CACNA2D3: variants seen among roughly 807,000 people sequenced by gnomAD.
CACNA2D3 encodes the protein voltage-dependent calcium channel subunit alpha-2/delta-3.
In CACNA2D3, 60 loss-of-function variants were observed where a neutral mutation model predicts 160.6. That is an observed-to-expected ratio of 0.37 (90% confidence interval 0.30 to 0.46). The LOEUF (loss-of-function observed/expected upper bound fraction) is 0.46. CACNA2D3 is among the 20% of genes least tolerant of loss of function. The pLI, the probability that CACNA2D3 is intolerant of heterozygous loss-of-function variation, is 1.00. For missense variants in CACNA2D3, 1,205 were observed against 1,365.0 expected (o/e 0.88, Z 1.85); for synonymous variants, 558 against 492.9 (o/e 1.13, Z -1.75).
intron 4 of CACNA2D3, among the ~76,000 whole-genome samples, chr3:54,465,271 G>C (rs953895646): frequency 6.6e-6 from 1 of 151,184 alleles, no homozygotes; most frequent in African/African-American, 2.4e-5. Flanking sequence ...TGAATTTCCT[G>C]TTTGATTACT....
At chr3:54,412,450 T>C (rs1699683854) in intron 4 of CACNA2D3, among the ~76,000 whole-genome samples, 1 of 151,976 alleles carries the variant, frequency 6.6e-6, no homozygotes. Context: ...TGCTTTGTCT[T>C]CTGGTTAAGG....
chr3:54,492,151 G>T (rs1010056814), intron 4 of CACNA2D3, among the ~76,000 whole-genome samples: 16 of 152,272 alleles, frequency 1.1e-4, no homozygotes, highest in African/African-American at 3.9e-4. Context: ...TCCTTTCCCT[G>T]GTGGCACCTC....
At chr3:55,011,808 C>T (rs1226535673) in intron 34 of CACNA2D3, among the ~76,000 whole-genome samples, 5 of 151,998 alleles carry the variant, frequency 3.3e-5, no homozygotes, top group African/African-American at 1.2e-4. Flanking sequence ...TAAAATTGCA[C>T]ATGATTTGAA....
chr3:54,594,249 T>G (rs904657623), intron 9 of CACNA2D3, among the ~76,000 whole-genome samples: 3 of 152,190 alleles, frequency 2.0e-5, no homozygotes, highest in Non-Finnish European at 4.4e-5. Context: ...CTGTAACTAC[T>G]CAGCTTTACA....
At chr3:54,650,924 A>C (rs2106863527) in intron 11 of CACNA2D3, among the ~76,000 whole-genome samples, 1 of 152,304 alleles carries the variant, frequency 6.6e-6, no homozygotes, top group East Asian at 1.9e-4. Flanking sequence ...TGTGTATCTA[A>C]TTCTCACAGA....
chr3:54,440,741 G>T (rs1700131330), intron 4 of CACNA2D3, among the ~76,000 whole-genome samples: 1 of 152,004 alleles, frequency 6.6e-6, no homozygotes, highest in Admixed American at 6.6e-5. Context: ...GCGGTGTTTG[G>T]TTTTTTGTCC....
intron 2 of CACNA2D3, among the ~76,000 whole-genome samples, chr3:54,171,719 C>T (rs1290749185): frequency 6.6e-6 from 1 of 152,168 alleles, no homozygotes; most frequent in Non-Finnish European, 1.5e-5. Flanking sequence ...AGGTCTGCTT[C>T]TCCAGGACCA....
At chr3:54,641,422 G>A (rs529111718) in intron 10 of CACNA2D3, among the ~76,000 whole-genome samples, 1 of 152,292 alleles carries the variant, frequency 6.6e-6, no homozygotes, top group East Asian at 1.9e-4. Flanking sequence ...GTTTTGTTAT[G>A]TAGATGAAGC....
intron 31 of CACNA2D3, among the ~76,000 whole-genome samples, chr3:55,004,232 G>T (rs1275548934): frequency 6.6e-6 from 1 of 152,198 alleles, no homozygotes; most frequent in Non-Finnish European, 1.5e-5. Context: ...ACAATAAGGA[G>T]TAGGGATTAC....
chr3:54,215,419 A>G (rs539889682), intron 2 of CACNA2D3, among the ~76,000 whole-genome samples: 1 of 152,340 alleles, frequency 6.6e-6, no homozygotes, highest in Non-Finnish European at 1.5e-5. Context: ...TATTCTGTGC[A>G]ATAGATCTCC....
At chr3:54,235,542 C>G (rs1198710771) in intron 2 of CACNA2D3, among the ~76,000 whole-genome samples, 3 of 152,150 alleles carry the variant, frequency 2.0e-5, no homozygotes. Flanking sequence ...GGGGATGGTA[C>G]TAAACCATTC....
chr3:54,802,417 C>T (rs1267664769), intron 13 of CACNA2D3, among the ~76,000 whole-genome samples: 1 of 152,076 alleles, frequency 6.6e-6, no homozygotes, highest in Non-Finnish European at 1.5e-5. Context: ...TATGATGTCC[C>T]ATGTGTTTGT....
rs1454723754 is a variant in CACNA2D3, at chr3:54,570,197, G to A, written c.888+93G>A. The A allele has an allele frequency of 1.2e-5, 15 of 1,264,322 alleles. No homozygotes were observed. In the East Asian group the frequency reaches 3.5e-4, roughly 29 times the overall value. 78.3% of individuals were successfully genotyped at this position (1,264,322 alleles called of 1,614,324 possible). A position where few individuals can be genotyped will look rare whatever the true frequency, so the allele number is the denominator to read the frequency against. On this transcript the variant is annotated intron_variant, in intron 8 of 37. Coordinates refer to ENST00000474759, the MANE Select transcript of CACNA2D3 (RefSeq NM_018398.3). Reference sequence around the variant, plus strand: ...CATTGCTCTCGCTGTTAGATCCAGAGCATCTAGATGCCAGAACATGAGGCC... The same window carrying A: ...CATTGCTCTCGCTGTTAGATCCAGAACATCTAGATGCCAGAACATGAGGCC...
At chr3:54,927,094 A>G (rs111295178) in intron 27 of CACNA2D3, among the ~76,000 whole-genome samples, 11 of 152,306 alleles carry the variant, frequency 7.2e-5, no homozygotes, top group African/African-American at 2.4e-4. Flanking sequence ...CTCAAAGTGG[A>G]AGCTCTTGAA....
intron 10 of CACNA2D3, among the ~76,000 whole-genome samples, chr3:54,641,240 C>T (rs1699513708): frequency 1.3e-5 from 2 of 152,180 alleles, no homozygotes. Flanking sequence ...GTAAGGTATA[C>T]ATTGGTTTAG....
rs75229996 is a variant in CACNA2D3 at position 54,314,237 on chromosome 3, A to C, written c.205-6205A>C. On this transcript the variant is annotated intron_variant, in intron 2 of 37. Coordinates refer to ENST00000474759, the MANE Select transcript of CACNA2D3 (RefSeq NM_018398.3). ...AGGTTGATGTGAATGTCATTAATTT[A>C]TTCCCTATTTATGGCTGAATAATAT... 4.5e-3 allele frequency among the ~76,000 whole-genome samples: 685 copies of C among 152,326 alleles called. 12 individuals are homozygous for C. Among genetic ancestry groups the C allele is most frequent in the East Asian group, 0.022 (116 of 5,186 alleles).
chr3:54,261,200 A>G (rs1702394363), intron 2 of CACNA2D3, among the ~76,000 whole-genome samples: 1 of 152,282 alleles, frequency 6.6e-6, no homozygotes, highest in Middle Eastern at 3.4e-3. Context: ...CTTCTCTATT[A>G]TACAGGGCAA....
chr3:55,024,473 C>A (rs1559466825), intron 35 of CACNA2D3, among the ~76,000 whole-genome samples: 1 of 152,052 alleles, frequency 6.6e-6, no homozygotes, highest in South Asian at 2.1e-4. Context: ...ATGATTAGAT[C>A]ATGAGGTCTC....
chr3:54,223,673 G>A lies in CACNA2D3; in HGVS notation c.205-96769G>A, dbSNP rs375599094. On this transcript the variant is annotated intron_variant, in intron 2 of 37. Transcript: ENST00000474759. The stretch of plus-strand genomic sequence containing the variant: ...GTTCGAGACCAGCCTGACCAACATG[G>A]TGAAACCCCGTCTCTACTAAAAATA... Among the ~76,000 whole-genome samples the A allele has an allele frequency of 5.1e-4, 77 of 152,042 alleles. No individual in the cohort carries two copies. In the South Asian group the frequency reaches 0.014, roughly 28 times the overall value.
Sources: gnomAD v4.1 joint callset for allele counts (sites outside exome capture counted in the v4.1 genomes callset) on GRCh38, gnomAD v4.1.1 for gene constraint, MANE v1.5 for transcripts, NCBI Gene and HGNC (gene_info 2026-07-23, HGNC 2026-07-21) for gene names.